The following ZNF503 variants were observed in gnomAD, a reference collection of about 807,000 sequenced individuals.
ZNF503 encodes zinc finger protein 503, also known as NocA-like zinc finger 2.
Under a neutral mutation model 34.4 loss-of-function variants are expected in ZNF503, and 15 were observed. That is an observed-to-expected ratio of 0.44 (90% CI 0.29 to 0.67). ZNF503 has a LOEUF of 0.67. ZNF503 is among the 30% of genes least tolerant of loss of function. The pLI is 0.13. For missense variants in ZNF503, 1,007 were observed against 926.8 expected, an observed-to-expected ratio of 1.09 and a Z score of -1.12; for synonymous variants, 580 against 456.8, an observed-to-expected ratio of 1.27 and a Z score of -3.44.
the ZNF503 span, among the ~76,000 whole-genome samples, chr10:75,281,433 G>A: frequency 6.6e-6 from 1 of 152,116 alleles, no homozygotes; most frequent in African/African-American, 2.4e-5. Context: ...TGTGCCGCCT[G>A]GTTCCTGCCT....
At chr10:75,379,180 A>G in the ZNF503 span, among the ~76,000 whole-genome samples, 11 of 152,182 alleles carry the variant, frequency 7.2e-5, no homozygotes, top group African/African-American at 2.4e-4. Context: ...AATCAATAAA[A>G]AAATTATTTG....
chr10:75,312,095 G>A, the ZNF503 span, among the ~76,000 whole-genome samples: 1 of 152,026 alleles, frequency 6.6e-6, no homozygotes, highest in Non-Finnish European at 1.5e-5. Flanking sequence ...TTTCAAATCT[G>A]TCAGATAATT....
chr10:75,383,787 G>T, the ZNF503 span, among the ~76,000 whole-genome samples: 20 of 152,222 alleles, frequency 1.3e-4, no homozygotes, highest in African/African-American at 4.3e-4. Flanking sequence ...GGGATAAACA[G>T]ACACCAGGTA....
At chr10:75,391,135 C>G in the ZNF503 span, among the ~76,000 whole-genome samples, 18 of 151,046 alleles carry the variant, frequency 1.2e-4, no homozygotes, top group African/African-American at 4.4e-4. Context: ...TTTTGGGGGA[C>G]ACACTTCAGT....
the ZNF503 span, among the ~76,000 whole-genome samples, chr10:75,285,771 A>G: frequency 2.0e-5 from 3 of 152,196 alleles, no homozygotes; most frequent in African/African-American, 7.2e-5. Flanking sequence ...AGAGGACCCA[A>G]GGGGTCCTTT....
At chr10:75,312,232 A>G in the ZNF503 span, among the ~76,000 whole-genome samples, 1 of 152,200 alleles carries the variant, frequency 6.6e-6, no homozygotes, top group Non-Finnish European at 1.5e-5. Flanking sequence ...AACATTCCTG[A>G]AACAAATGAC....
the ZNF503 span, among the ~76,000 whole-genome samples, chr10:75,356,043 G>A: frequency 6.6e-6 from 1 of 152,168 alleles, no homozygotes; most frequent in Non-Finnish European, 1.5e-5. Flanking sequence ...GTTCCCAGGA[G>A]AGAGTGACAA....
At chr10:75,363,695 G>A in the ZNF503 span, among the ~76,000 whole-genome samples, 2 of 152,246 alleles carry the variant, frequency 1.3e-5, no homozygotes, top group Non-Finnish European at 2.9e-5. Context: ...CCATCAGAGA[G>A]GTCCTAAGTT....
At position 75,399,764 on chromosome 10, in the gene ZNF503, G is replaced by A. The variant is rs1843758034; in HGVS notation, c.926C>T (p.Ser309Leu). Reference protein sequence around the residue: ...DGGPGGKALGSDCGGSSGSSS... With the variant: ...DGGPGGKALGLDCGGSSGSSS... ...GGAGCCCGATGAACCGCCGCAGTCCGAGCCCAGAGCCTTGCCTCCCGGGCC... is the reference window on the plus strand; with the variant it reads ...GGAGCCCGATGAACCGCCGCAGTCCAAGCCCAGAGCCTTGCCTCCCGGGCC... The change falls in exon 2 of 2, where the codon TCG becomes TTG. Residue 309 changes from serine (S) to leucine (L), a missense_variant. Coordinates refer to ENST00000372524, the MANE Select transcript of ZNF503 (RefSeq NM_032772.6). The A allele has an allele frequency of 2.5e-6, 4 of 1,592,436 alleles. No homozygotes were observed. The South Asian group carries it at 3.4e-5, about 13-fold the overall frequency.
chr10:75,353,676 A>G, the ZNF503 span, among the ~76,000 whole-genome samples: 1 of 152,202 alleles, frequency 6.6e-6, no homozygotes, highest in Non-Finnish European at 1.5e-5. Flanking sequence ...AAAGGCAAAC[A>G]GCAGGGTACC....
the ZNF503 span, among the ~76,000 whole-genome samples, chr10:75,378,363 C>A: frequency 6.6e-6 from 1 of 152,164 alleles, no homozygotes; most frequent in Non-Finnish European, 1.5e-5. Flanking sequence ...CGAAGGTAGG[C>A]CACTATCTGC....
chr10:75,381,805 CTTTTTTTTT>C, the ZNF503 span, among the ~76,000 whole-genome samples: 667 of 38,604 alleles, frequency 0.017, 5 homozygotes, highest in Middle Eastern at 0.12. Context: ...GAACCTAATT[CTTTTTTTTT>C]TTTTTTTTTT....
At chr10:75,298,006 A>G in the ZNF503 span, among the ~76,000 whole-genome samples, 4 of 152,348 alleles carry the variant, frequency 2.6e-5, no homozygotes, top group East Asian at 7.7e-4. Context: ...TAAATGAACA[A>G]TCCAATGATT....
the ZNF503 span, among the ~76,000 whole-genome samples, chr10:75,365,820 GGTTGTTGTTACTTTCAAGAAAAGGGCCAA>G: frequency 6.6e-6 from 1 of 152,206 alleles, no homozygotes; most frequent in Non-Finnish European, 1.5e-5. Flanking sequence ...TGTCTGCTTA[GGTTGTTGTTACTTTCAAGAAAAGGGCCAA>G]GTTGTATTAG....
In ZNF503 at chr10:75,399,212, G is replaced by A. The variant is rs765475906; in HGVS notation, c.1478C>T (p.Pro493Leu). 14 of 1,595,222 alleles carry A rather than the reference G, an allele frequency of 8.8e-6. No individual in the cohort carries two copies. Among genetic ancestry groups the A allele is most frequent in the Non-Finnish European group, 1.1e-5 (13 of 1,169,500 alleles). Residue 493 changes from proline to leucine, a missense_variant, in exon 2 of 2, where the codon CCC becomes CTC. Pro to Leu is a moderately conservative substitution (Grantham distance 98). Transcript: ENST00000372524. ...GTAGAGGGGGTGGCCGGCCAGGGAG[G>A]GCGGTGTGGCGCCAGCAGCCGCGGC... ...TAAAAAGATPPSLAGHPLYPY... is the reference protein window; with the variant it reads ...TAAAAAGATPLSLAGHPLYPY...
At chr10:75,305,170 G>T in the ZNF503 span, among the ~76,000 whole-genome samples, 33 of 152,112 alleles carry the variant, frequency 2.2e-4, no homozygotes, top group East Asian at 6.0e-3. Context: ...TTTCCCTAAA[G>T]GTAGCGAATG....
the ZNF503 span, among the ~76,000 whole-genome samples, chr10:75,309,005 C>A: frequency 3.9e-5 from 6 of 152,040 alleles, no homozygotes; most frequent in African/African-American, 1.2e-4. Flanking sequence ...CCACACCTGG[C>A]TAATTTTTTT....
At chr10:75,307,907 C>T in the ZNF503 span, among the ~76,000 whole-genome samples, 2 of 152,016 alleles carry the variant, frequency 1.3e-5, no homozygotes, top group African/African-American at 4.8e-5. Flanking sequence ...AGCAAGACCC[C>T]ATCTCTACAA....
the ZNF503 span, among the ~76,000 whole-genome samples, chr10:75,333,559 G>A: frequency 0.026 from 1,196 of 46,134 alleles, no homozygotes; most frequent in Middle Eastern, 0.083. Flanking sequence ...CTCACCTCCC[G>A]GACGGGGCAG....
Sources: allele counts gnomAD v4.1 joint callset (sites outside exome capture counted in the v4.1 genomes callset), GRCh38; gene constraint gnomAD v4.1.1; transcripts MANE v1.5; gene names NCBI Gene and HGNC (gene_info 2026-07-23, HGNC 2026-07-21).